Variants in VEPH1 observed in about 807,000 individuals in gnomAD.
The protein encoded by VEPH1 is ventricular zone expressed PH domain containing 1, also known as ventricular zone-expressed PH domain-containing protein homolog 1.
In VEPH1, 80 loss-of-function variants were observed where a neutral mutation model predicts 85.2. The ratio of observed to expected loss-of-function variants is 0.94; its 90% CI spans 0.78 to 1.13. The LOEUF (loss-of-function observed/expected upper bound fraction) is 1.13, where lower values mean the gene tolerates loss of function less well. Ranked by LOEUF, VEPH1 falls within the 50% of genes most tolerant of loss-of-function variation. The probability of loss-of-function intolerance (pLI) is 0.00; values close to 1 mark genes in which losing one functional copy is unlikely to be tolerated. For missense variants in VEPH1, 955 were observed against 980.5 expected (o/e 0.97, Z 0.35); for synonymous variants, 297 against 348.0 (o/e 0.85, Z 1.63).
chr3:157,382,778 C>G (rs1728911236), intron 6 of VEPH1, among the ~76,000 whole-genome samples: 1 of 152,154 alleles, frequency 6.6e-6, no homozygotes. Flanking sequence ...TCTCCAGTGA[C>G]TCCTGTGTAA....
rs539146991 is a variant in VEPH1, at chr3:157,493,518, C to T, written c.138+1694G>A. Among the ~76,000 whole-genome samples, 4 of 152,284 alleles carry T rather than the reference C, an allele frequency of 2.6e-5. No homozygotes were observed. In the East Asian group the frequency reaches 7.7e-4, roughly 29 times the overall value. ...CTTGATATATGTAAATTACAAGCTA[C>T]CATTCTTCTTCTGTTCCATGAGAGG... On this transcript the variant is annotated intron_variant, in intron 2 of 13. Coordinates refer to ENST00000362010, the MANE Select transcript of VEPH1 (RefSeq NM_001167912.2).
chr3:157,375,710 C>T (rs536827893), intron 7 of VEPH1, among the ~76,000 whole-genome samples: 7 of 152,276 alleles, frequency 4.6e-5, no homozygotes, highest in Admixed American at 2.0e-4. Context: ...TCCTTTGTAT[C>T]ATCTCTTTTC....
At chr3:157,377,719 G>A (rs767690575) in intron 7 of VEPH1, among the ~76,000 whole-genome samples, 1 of 152,038 alleles carries the variant, frequency 6.6e-6, no homozygotes. Flanking sequence ...CCCCTTTGCT[G>A]TCTTCCATGA....
intron 12 of VEPH1, among the ~76,000 whole-genome samples, chr3:157,275,605 A>G (rs1047536070): frequency 6.6e-6 from 1 of 152,100 alleles, no homozygotes; most frequent in Admixed American, 6.6e-5. Context: ...ATATATATAT[A>G]ATGATTGACA....
chr3:157,262,425 G>A (rs1713035151), intron 13 of VEPH1, among the ~76,000 whole-genome samples: 1 of 151,902 alleles, frequency 6.6e-6, no homozygotes, highest in African/African-American at 2.4e-5. Flanking sequence ...GAGACGGATG[G>A]TCACAAGGAA....
chr3:157,327,953 T>A (rs577288702), intron 9 of VEPH1, among the ~76,000 whole-genome samples: 2 of 152,264 alleles, frequency 1.3e-5, no homozygotes, highest in African/African-American at 4.8e-5. Context: ...TATCCAAAGT[T>A]CAATTCTTCT....
intron 4 of VEPH1, among the ~76,000 whole-genome samples, chr3:157,457,089 C>T (rs891979640): frequency 2.0e-5 from 3 of 152,050 alleles, no homozygotes; most frequent in Non-Finnish European, 4.4e-5. Flanking sequence ...GATCTTTCAA[C>T]TCCCTGGTTA....
chr3:157,341,315 T>C (rs1478152239), intron 9 of VEPH1, among the ~76,000 whole-genome samples: 1 of 152,080 alleles, frequency 6.6e-6, no homozygotes, highest in Non-Finnish European at 1.5e-5. Context: ...ATAACCAGTG[T>C]AGAGAAGTCC....
intron 6 of VEPH1, among the ~76,000 whole-genome samples, chr3:157,410,460 T>A (rs1731450083): frequency 6.6e-6 from 1 of 152,178 alleles, no homozygotes; most frequent in Admixed American, 6.5e-5. Context: ...TTCTTGTTTC[T>A]TTTTGGAAAG....
intron 9 of VEPH1, among the ~76,000 whole-genome samples, chr3:157,317,682 T>A (rs1720888807): frequency 6.6e-6 from 1 of 152,188 alleles, no homozygotes; most frequent in Non-Finnish European, 1.5e-5. Context: ...TGAACTGTAC[T>A]GGTCGGGTTT....
At position 157,363,739 on chromosome 3, in the gene VEPH1, T is replaced by C; in HGVS notation, c.1360A>G (p.Thr454Ala). 6.2e-7 allele frequency: 1 copy of C among 1,613,194 alleles called. No homozygotes were observed. Among genetic ancestry groups the C allele is most frequent in the Middle Eastern group, 1.6e-4 (1 of 6,062 alleles). Reference sequence around the variant, plus strand: ...GAACCCACACCCTTTGTGAGCATAGTGTGGAAAGCCAAACTTTTTGACCTA... The same window carrying C: ...GAACCCACACCCTTTGTGAGCATAGCGTGGAAAGCCAAACTTTTTGACCTA... The part of the protein sequence containing the change: ...FNRSKSLAFH[T>A]MLTKGVGSDD... The change falls in exon 9 of 14, where the codon ACT (threonine) becomes GCT (alanine). Residue 454 changes from threonine (T) to alanine (A), a missense_variant. Coordinates refer to ENST00000362010, the MANE Select transcript of VEPH1 (RefSeq NM_001167912.2).
At chr3:157,487,580 A>G (rs988758) in intron 2 of VEPH1, among the ~76,000 whole-genome samples, 100,999 of 151,986 alleles carry the variant, frequency 0.66, 34,371 homozygotes, top group African/African-American at 0.81. Flanking sequence ...AAACTACTGT[A>G]TATAACTTGA....
At chr3:157,341,252 A>G (rs1276608196) in intron 9 of VEPH1, among the ~76,000 whole-genome samples, 2 of 152,228 alleles carry the variant, frequency 1.3e-5, no homozygotes, top group African/African-American at 4.8e-5. Flanking sequence ...GCTCAAACCC[A>G]TAGCAAAGAA....
intron 4 of VEPH1, among the ~76,000 whole-genome samples, chr3:157,455,427 C>CTT (rs35417902): frequency 0.023 from 3,474 of 150,404 alleles, 90 homozygotes; most frequent in East Asian, 0.068. Context: ...CCTTTGCCGC[C>CTT]TTTTTTTTTC....
At chr3:157,305,069 TTCCTATCTCTCTATTTC>T (rs376302109) in intron 11 of VEPH1, among the ~76,000 whole-genome samples, 3 of 149,096 alleles carry the variant, frequency 2.0e-5, no homozygotes, top group Middle Eastern at 3.2e-3. Context: ...TCTATCTATC[TTCCTATCTCTCTATTTC>T]ATCTATCTAT....
Position 157,310,510 on chromosome 3 carries a change from CA to C in VEPH1, c.2010+3110del, listed in dbSNP as rs1046322857. On this transcript the variant is annotated intron_variant, in intron 11 of 13. Coordinates refer to ENST00000362010, the MANE Select transcript of VEPH1 (RefSeq NM_001167912.2). ...ATCTTAAAGCCAGGTGATTCAGAGCCAACATGCTTAACTACTCTGATAGGTG... is the reference window on the plus strand; with the variant it reads ...ATCTTAAAGCCAGGTGATTCAGAGCCACATGCTTAACTACTCTGATAGGTG... 1.4e-4 allele frequency among the ~76,000 whole-genome samples: 22 copies of C among 152,260 alleles called. No individual in the cohort carries two copies. In the South Asian group the frequency reaches 1.5e-3, roughly 10 times the overall value.
At position 157,374,150 on chromosome 3, in the gene VEPH1, A is replaced by G. The variant is rs565798431; in HGVS notation, c.1127+7006T>C. On this transcript the variant is annotated intron_variant, in intron 7 of 13. Coordinates refer to ENST00000362010, the MANE Select transcript of VEPH1 (RefSeq NM_001167912.2). ...ACCTCTTCAGTAAGAAGACGGGCCC[A>G]AAACCGAAGCCTTTCCTTCCTTTTC... Among the ~76,000 whole-genome samples, 185 of 152,328 alleles carry G rather than the reference A, an allele frequency of 1.2e-3. 1 individual carries two copies. Among genetic ancestry groups the G allele is most frequent in the African/African-American group, 3.8e-3 (160 of 41,580 alleles).
At chr3:157,456,680 G>T (rs1478247052) in intron 4 of VEPH1, among the ~76,000 whole-genome samples, 1 of 152,070 alleles carries the variant, frequency 6.6e-6, no homozygotes, top group Non-Finnish European at 1.5e-5. Flanking sequence ...TTAGATAGTT[G>T]TAGGTGTGTA....
intron 4 of VEPH1, among the ~76,000 whole-genome samples, chr3:157,447,828 C>A (rs975048813): frequency 2.6e-5 from 4 of 152,086 alleles, no homozygotes; most frequent in Admixed American, 6.5e-5. Context: ...CTCCTGACAA[C>A]AAGTGATCTG....
Sources: allele counts gnomAD v4.1 joint callset (sites outside exome capture counted in the v4.1 genomes callset), GRCh38; gene constraint gnomAD v4.1.1; transcripts MANE v1.5; gene names NCBI Gene and HGNC (gene_info 2026-07-23, HGNC 2026-07-21).